Variants in SHROOM2 observed in about 807,000 individuals in gnomAD.
SHROOM2 encodes shroom family member 2, also known as protein Shroom2.
A neutral mutation model predicts 75.9 loss-of-function variants in SHROOM2; 33 were observed. That is an observed-to-expected ratio of 0.43 (90% CI 0.33 to 0.58). SHROOM2 has a LOEUF of 0.58. SHROOM2 is among the 20% of genes least tolerant of loss of function. The pLI, the probability that SHROOM2 is intolerant of heterozygous loss-of-function variation, is 0.04. For missense variants in SHROOM2, 1,434 were observed against 1,461.2 expected (o/e 0.98, Z 0.30); for synonymous variants, 655 against 663.6 (o/e 0.99, Z 0.20).
chrX:9,822,569 C>T (rs915277170), intron 1 of SHROOM2, among the ~76,000 whole-genome samples: 3 of 112,743 alleles, frequency 2.7e-5, no homozygotes, highest in Admixed American at 1.9e-4. Flanking sequence ...CCTGAACACA[C>T]GTGTGCATCT....
At chrX:9,791,764 G>A (rs916883487) in intron 1 of SHROOM2, among the ~76,000 whole-genome samples, 30 of 110,570 alleles carry the variant, frequency 2.7e-4, no homozygotes, top group African/African-American at 4.0e-4. Flanking sequence ...AGGCCGAGGC[G>A]AGTGAATCAC....
intron 3 of SHROOM2, among the ~76,000 whole-genome samples, chrX:9,892,194 A>G (rs2084297464): frequency 9.4e-6 from 1 of 106,476 alleles, no homozygotes; most frequent in South Asian, 4.4e-4. Flanking sequence ...TCGAGGCTGC[A>G]GTGAGCTATG....
intron 1 of SHROOM2, among the ~76,000 whole-genome samples, chrX:9,803,356 T>C (rs1267469938): frequency 1.8e-5 from 2 of 111,627 alleles, no homozygotes; most frequent in Non-Finnish European, 3.8e-5. Context: ...TTTTAAAAAT[T>C]TGTAGGCTGA....
At chrX:9,826,040 G>A (rs997628963) in intron 1 of SHROOM2, among the ~76,000 whole-genome samples, 3 of 112,509 alleles carry the variant, frequency 2.7e-5, no homozygotes, top group African/African-American at 9.7e-5. Flanking sequence ...TCCGCCTCCT[G>A]CAAATGTGAT....
At chrX:9,880,314 C>T (rs943138836) in intron 2 of SHROOM2, among the ~76,000 whole-genome samples, 9 of 112,838 alleles carry the variant, frequency 8.0e-5, no homozygotes, top group African/African-American at 2.9e-4. Context: ...TAGATGAGGC[C>T]TTTGCAGGTC....
rs758297863 is a variant in SHROOM2 at position 9,873,637 on chromosome X, G to C, written c.166-15G>C. 3 of 1,211,007 alleles carry C rather than the reference G, an allele frequency of 2.5e-6. No individual in the cohort carries two copies. Among genetic ancestry groups the C allele is most frequent in the South Asian group, 3.5e-5 (2 of 56,883 alleles). On this transcript the variant is annotated splice_polypyrimidine_tract_variant and intron_variant, in intron 1 of 9. Transcript: ENST00000380913. ...TGCTCGTGGAAGGCTCATGGAACAT[G>C]CTTCTCTGTTACAGATTGAAGAGGG...
chrX:9,803,719 G>A (rs1024195394), intron 1 of SHROOM2, among the ~76,000 whole-genome samples: 2 of 111,486 alleles, frequency 1.8e-5, no homozygotes, highest in African/African-American at 3.3e-5. Context: ...TTGTGACATT[G>A]CACACAGCCA....
At chrX:9,903,965 G>C (rs930438369) in intron 5 of SHROOM2, among the ~76,000 whole-genome samples, 3 of 111,009 alleles carry the variant, frequency 2.7e-5, no homozygotes, top group Non-Finnish European at 5.7e-5. Context: ...GTTTGGTCGC[G>C]TGATTCTAGA....
At position 9,896,675 on chromosome X, in the gene SHROOM2, C is replaced by T; in HGVS notation, c.2767C>T (p.Pro923Ser). The T allele has an allele frequency of 8.4e-7, 1 of 1,192,296 alleles. No homozygotes were observed. Among genetic ancestry groups the T allele is most frequent in the Non-Finnish European group, 1.1e-6 (1 of 885,412 alleles). ...CGTTCATGGGAGGTCCCGGTCTTCACCGTCCACAGACCACTACAAGCAGGT... is the reference window on the plus strand; with the variant it reads ...CGTTCATGGGAGGTCCCGGTCTTCATCGTCCACAGACCACTACAAGCAGGT... Reference protein sequence around the residue: ...QHVHGRSRSSPSTDHYKQEAS... With the variant: ...QHVHGRSRSSSSTDHYKQEAS... The change falls in exon 4 of 10, where the codon CCG (proline) becomes TCG (serine). Residue 923 changes from proline (P) to serine (S), a missense_variant. By Grantham distance (74) the Pro-to-Ser change is moderately conservative. Transcript: ENST00000380913.
intron 5 of SHROOM2, among the ~76,000 whole-genome samples, chrX:9,925,105 G>C (rs1289153669): frequency 8.9e-6 from 1 of 111,948 alleles, no homozygotes; most frequent in African/African-American, 3.3e-5. Context: ...CTTCCCCACT[G>C]TCTCCTTTTT....
Position 9,944,750 on chromosome X carries a change from C to T in SHROOM2, c.4421C>T (p.Ala1474Val), listed in dbSNP as rs1409327101. The part of the protein sequence containing the change: ...ANTVLGAEVE[A>V]IVKGVCKPSE... ...ACCGTGCTGGGGGCCGAGGTGGAGG[C>T]CATCGTGAAAGGCGTCTGCAAGCCC... The change falls in exon 9 of 10, where the codon GCC becomes GTC. Residue 1474 changes from alanine to valine, a missense_variant. Coordinates refer to ENST00000380913, the MANE Select transcript of SHROOM2 (RefSeq NM_001649.4). 8.2e-7 allele frequency: 1 copy of T among 1,212,197 alleles called. No individual in the cohort carries two copies. The highest frequency in any genetic ancestry group is 2.2e-5 in the Admixed American group (1 of 46,098).
chrX:9,903,465 C>A (rs1231343716), intron 5 of SHROOM2, among the ~76,000 whole-genome samples: 1 of 112,487 alleles, frequency 8.9e-6, no homozygotes, highest in Non-Finnish European at 1.9e-5. Context: ...GGATGTAACA[C>A]CCTCACCCCA....
intron 1 of SHROOM2, among the ~76,000 whole-genome samples, chrX:9,791,015 A>G (rs1250154132): frequency 9.0e-6 from 1 of 110,882 alleles, no homozygotes; most frequent in Non-Finnish European, 1.9e-5. Context: ...ATGAATCCAG[A>G]GCCTTCTGCG....
chrX:9,804,949 T>C (rs1429253380), intron 1 of SHROOM2, among the ~76,000 whole-genome samples: 1 of 110,711 alleles, frequency 9.0e-6, no homozygotes, highest in Non-Finnish European at 1.9e-5. Context: ...AGAATCCACA[T>C]AGCAGCCAGG....
intron 1 of SHROOM2, among the ~76,000 whole-genome samples, chrX:9,848,510 C>CACA (rs1555927073): frequency 2.3e-4 from 5 of 22,015 alleles, no homozygotes; most frequent in African/African-American, 7.7e-4. Context: ...GACTCCGTCT[C>CACA]AAAAAAAAAA....
At chrX:9,928,003 T>C (rs1397284462) in intron 5 of SHROOM2, among the ~76,000 whole-genome samples, 1 of 112,013 alleles carries the variant, frequency 8.9e-6, no homozygotes, top group African/African-American at 3.2e-5. Flanking sequence ...AGAGTGTTTG[T>C]TTTTTTCCTA....
intron 1 of SHROOM2, among the ~76,000 whole-genome samples, chrX:9,808,555 T>A (rs937573118): frequency 4.6e-5 from 5 of 109,339 alleles, no homozygotes; most frequent in Admixed American, 9.9e-5. Context: ...TCTCAAAAAA[T>A]TTTTTTAAAA....
At chrX:9,943,199 C>T (rs1295326136) in intron 8 of SHROOM2, among the ~76,000 whole-genome samples, 1 of 109,385 alleles carries the variant, frequency 9.1e-6, no homozygotes, top group African/African-American at 3.3e-5. Flanking sequence ...GCACTCCAGC[C>T]TGGGCAACAG....
At chrX:9,847,712 T>C (rs1001871925) in intron 1 of SHROOM2, among the ~76,000 whole-genome samples, 6 of 112,029 alleles carry the variant, frequency 5.4e-5, no homozygotes, top group African/African-American at 1.6e-4. Flanking sequence ...CTGTTATCCT[T>C]ACTAGCACTT....
Sources: gnomAD v4.1 joint callset for allele counts (sites outside exome capture counted in the v4.1 genomes callset) on GRCh38, gnomAD v4.1.1 for gene constraint, MANE v1.5 for transcripts, NCBI Gene and HGNC (gene_info 2026-07-23, HGNC 2026-07-21) for gene names.